The following LDLRAD4 variants were observed in gnomAD, a reference collection of about 807,000 sequenced individuals.
The protein encoded by LDLRAD4 is low-density lipoprotein receptor class A domain-containing protein 4.
LDLRAD4 carries 5 observed loss-of-function variants against 17.0 expected under a neutral mutation model. The observed-to-expected ratio is 0.29, with a 90% CI of 0.15 to 0.62. The LOEUF (loss-of-function observed/expected upper bound fraction) is 0.62. Among genes scored for constraint, LDLRAD4 ranks in the 20% least tolerant of loss-of-function variants. The probability of loss-of-function intolerance (pLI) is 0.84; values close to 1 mark genes in which losing one functional copy is unlikely to be tolerated. For missense variants in LDLRAD4, 340 were observed against 424.7 expected, an observed-to-expected ratio of 0.80 and a Z score of 1.75; for synonymous variants, 168 against 171.8, an observed-to-expected ratio of 0.98 and a Z score of 0.17.
chr18:13,616,393 G>C (rs553776732), intron 3 of LDLRAD4, among the ~76,000 whole-genome samples: 78 of 152,280 alleles, frequency 5.1e-4, no homozygotes, highest in African/African-American at 1.9e-3. Flanking sequence ...TTCACTTTGA[G>C]GATCTCCTGG....
chr18:13,358,060 G>A (rs1199518668), intron 1 of LDLRAD4, among the ~76,000 whole-genome samples: 2 of 151,994 alleles, frequency 1.3e-5, no homozygotes, highest in Non-Finnish European at 2.9e-5. Context: ...TATTGGGTAT[G>A]ACAAGATCAT....
intron 3 of LDLRAD4, among the ~76,000 whole-genome samples, chr18:13,579,298 T>A (rs1568363878): frequency 6.6e-6 from 1 of 152,374 alleles, no homozygotes; most frequent in East Asian, 1.9e-4. Flanking sequence ...ATTATTGAAT[T>A]ACAGTCATTT....
intron 3 of LDLRAD4, among the ~76,000 whole-genome samples, chr18:13,527,183 G>T (rs1345376606): frequency 6.6e-6 from 1 of 152,260 alleles, no homozygotes; most frequent in African/African-American, 2.4e-5. Flanking sequence ...GTGAGGCAGA[G>T]AAGCCAAATA....
At chr18:13,397,742 C>T (rs930312810) in intron 2 of LDLRAD4, among the ~76,000 whole-genome samples, 4 of 152,238 alleles carry the variant, frequency 2.6e-5, no homozygotes, top group Non-Finnish European at 5.9e-5. Flanking sequence ...AAGCACGGTG[C>T]TACCACGGCG....
chr18:13,402,965 A>C (rs2087364009), intron 2 of LDLRAD4, among the ~76,000 whole-genome samples: 2 of 152,262 alleles, frequency 1.3e-5, no homozygotes, highest in South Asian at 4.1e-4. Context: ...CAGTCTCCAA[A>C]TGATATGTGG....
chr18:13,568,289 G>A (rs1469890037), intron 3 of LDLRAD4, among the ~76,000 whole-genome samples: 1 of 147,874 alleles, frequency 6.8e-6, no homozygotes, highest in Admixed American at 6.7e-5. Context: ...GTGAGACTCC[G>A]TTTACAAAAA....
intron 3 of LDLRAD4, among the ~76,000 whole-genome samples, chr18:13,537,313 A>C (rs1322492456): frequency 6.6e-6 from 1 of 152,198 alleles, no homozygotes; most frequent in Non-Finnish European, 1.5e-5. Context: ...GCAGTCCCCA[A>C]CCTTTTTGAC....
intron 1 of LDLRAD4, among the ~76,000 whole-genome samples, chr18:13,384,072 A>G (rs2085599908): frequency 2.6e-5 from 4 of 152,260 alleles, no homozygotes; most frequent in Admixed American, 2.0e-4. Context: ...AATCCTGGCC[A>G]TGACCACGCT....
intron 2 of LDLRAD4, among the ~76,000 whole-genome samples, chr18:13,404,977 A>G (rs1469543122): frequency 1.3e-5 from 2 of 152,010 alleles, no homozygotes; most frequent in African/African-American, 2.4e-5. Context: ...GCGAAACCCA[A>G]TGAAGAGGTC....
chr18:13,507,439 A>T (rs748496689), intron 3 of LDLRAD4, among the ~76,000 whole-genome samples: 3 of 152,202 alleles, frequency 2.0e-5, no homozygotes, highest in Non-Finnish European at 4.4e-5. Flanking sequence ...CATTCCTGAG[A>T]TACTCCACTT....
At chr18:13,225,548 A>G (rs890185634) in intron 1 of LDLRAD4, among the ~76,000 whole-genome samples, 12 of 152,362 alleles carry the variant, frequency 7.9e-5, no homozygotes, top group African/African-American at 1.9e-4. Context: ...CACTCTGTCA[A>G]CAGCTCTCAG....
chr18:13,278,418 G>A (rs981028197), intron 1 of LDLRAD4: 6 of 152,264 alleles, frequency 3.9e-5, no homozygotes, highest in African/African-American at 1.4e-4. Flanking sequence ...GCCAGCCCTG[G>A]TGGGGGACAG....
rs531194576 is a variant in LDLRAD4 at position 13,271,345 on chromosome 18, C to A, written c.-466-6760C>A. Among the ~76,000 whole-genome samples the A allele has an allele frequency of 6.9e-4, 105 of 152,276 alleles. 2 individuals are homozygous for A. The highest frequency in any genetic ancestry group is 2.2e-3 in the African/African-American group (93 of 41,556). Reference sequence around the variant, plus strand: ...ATTTCTTTGGCATCGTGACGTTAGGCGTTCAGTGCCTGTGTGAAAGCGAAG... The same window carrying A: ...ATTTCTTTGGCATCGTGACGTTAGGAGTTCAGTGCCTGTGTGAAAGCGAAG... On this transcript the variant is annotated intron_variant, in intron 1 of 5. Transcript: ENST00000399848.
At chr18:13,341,854 TGTTA>T (rs1449554817) in intron 1 of LDLRAD4, among the ~76,000 whole-genome samples, 1 of 152,166 alleles carries the variant, frequency 6.6e-6, no homozygotes, top group Non-Finnish European at 1.5e-5. Context: ...TTGAGTTTAA[TGTTA>T]GTTGTGGATT....
At chr18:13,493,836 AGCCCCGTGGTCCTTGTCC>A (rs1242996256) in intron 3 of LDLRAD4, among the ~76,000 whole-genome samples, 4 of 152,218 alleles carry the variant, frequency 2.6e-5, no homozygotes, top group African/African-American at 9.7e-5. Context: ...CCCTGCCTCC[AGCCCCGTGGTCCTTGTCC>A]AGGACCTCAC....
intron 3 of LDLRAD4, among the ~76,000 whole-genome samples, chr18:13,539,222 G>A (rs542536099): frequency 1.1e-4 from 16 of 152,294 alleles, no homozygotes; most frequent in African/African-American, 3.8e-4. Flanking sequence ...GGAGACATGG[G>A]GTCCAGGAAA....
At chr18:13,463,189 TC>T (rs1450096152) in intron 3 of LDLRAD4, among the ~76,000 whole-genome samples, 18 of 152,138 alleles carry the variant, frequency 1.2e-4, no homozygotes, top group African/African-American at 4.3e-4. Context: ...TGTGGCCATG[TC>T]CCCCCTGGAC....
chr18:13,431,646 A>C (rs771487445), intron 2 of LDLRAD4, among the ~76,000 whole-genome samples: 5 of 152,202 alleles, frequency 3.3e-5, no homozygotes, highest in Non-Finnish European at 5.9e-5. Context: ...TTTCAGCACC[A>C]TAATGGGAGC....
intron 1 of LDLRAD4, among the ~76,000 whole-genome samples, chr18:13,386,946 A>AGATG (rs1233023596): frequency 2.3e-4 from 23 of 98,424 alleles, no homozygotes; most frequent in African/African-American, 1.2e-3. Flanking sequence ...ATAGATAGAT[A>AGATG]GATGGATGGA....
Sources: gnomAD v4.1 joint callset for allele counts (sites outside exome capture counted in the v4.1 genomes callset) on GRCh38, gnomAD v4.1.1 for gene constraint, MANE v1.5 for transcripts, NCBI Gene and HGNC (gene_info 2026-07-23, HGNC 2026-07-21) for gene names.